SLC1A5: variants seen among roughly 807,000 people sequenced by gnomAD.
The protein encoded by SLC1A5 is neutral amino acid transporter B(0).
Under a neutral mutation model 34.9 loss-of-function variants are expected in SLC1A5, and 25 were observed. That is an observed-to-expected ratio of 0.72 (90% CI 0.52 to 1.00). The LOEUF (loss-of-function observed/expected upper bound fraction) is 1.00. Among genes scored for constraint, SLC1A5 ranks in the 50% least tolerant of loss-of-function variants. The probability of loss-of-function intolerance (pLI) is 0.00; values close to 1 mark genes in which losing one functional copy is unlikely to be tolerated. For synonymous variants in SLC1A5, 351 were observed against 341.2 expected (o/e 1.03, Z -0.32); for missense variants, 637 against 740.0 (o/e 0.86, Z 1.61).
At position 46,788,391 on chromosome 19, in the gene SLC1A5, A is replaced by G; in HGVS notation, c.-426T>C. The stretch of plus-strand genomic sequence containing the variant: ...GGACGCCTGGATCCGGGAGGCGGGG[A>G]CCCGGGCTGCCTGGGTCTTGGACAC... On this transcript the variant is annotated 5_prime_UTR_variant, in exon 1 of 8. Transcript: ENST00000542575. 6.0e-6 allele frequency: 1 copy of G among 167,354 alleles called. No homozygotes were observed. The highest frequency in any genetic ancestry group is 1.8e-4 in the South Asian group (1 of 5,508). 10.4% of individuals were successfully genotyped at this position (167,354 alleles called of 1,614,324 possible). A position where few individuals can be genotyped will look rare whatever the true frequency, so the allele number is the denominator to read the frequency against.
chr19:46,777,473 A>G (rs2055102216), intron 5 of SLC1A5, 68 bp from the exon 6 acceptor site: 1 of 1,449,262 alleles, frequency 6.9e-7, no homozygotes, highest in Non-Finnish European at 9.2e-7. Context: ...CTCCAGGTCC[A>G]GCCCAGGTGA....
intron 7 of SLC1A5, among the ~76,000 whole-genome samples, 200 bp from the exon 8 acceptor site, chr19:46,775,947 A>G (rs547855621): frequency 9.4e-4 from 143 of 151,610 alleles, no homozygotes; most frequent in African/African-American, 3.4e-3. Flanking sequence ...CAGGCATGGT[A>G]GTGCACACCT....
intron 4 of SLC1A5, among the ~76,000 whole-genome samples, chr19:46,781,294 C>A (rs2055143818): frequency 6.6e-6 from 1 of 152,194 alleles, no homozygotes; most frequent in Non-Finnish European, 1.5e-5. Context: ...CCAGGGATGG[C>A]TCCAAGCCAA....
Position 46,778,663 on chromosome 19 carries a change from C to A in SLC1A5, c.1058+12G>T. On this transcript the variant is annotated intron_variant, in intron 5 of 7. Coordinates refer to ENST00000542575, the MANE Select transcript of SLC1A5 (RefSeq NM_005628.3). The stretch of plus-strand genomic sequence containing the variant: ...ATTAAACATCCCACCCTAGCCCACC[C>A]CAAGGCCGTACCTGGAAGAGGTCCC... The A allele has an allele frequency of 1.3e-6, 2 of 1,525,274 alleles. No homozygotes were observed. The highest frequency in any genetic ancestry group is 2.3e-5 in the South Asian group (2 of 88,270). The allele number at this position is 1,525,274 out of a possible 1,614,324, so 94.5% of individuals were successfully genotyped here. A position where few individuals can be genotyped will look rare whatever the true frequency, so the allele number is the denominator to read the frequency against.
At chr19:46,779,877 G>A (rs1042198780) in intron 4 of SLC1A5, among the ~76,000 whole-genome samples, 3 of 150,986 alleles carry the variant, frequency 2.0e-5, no homozygotes, top group African/African-American at 7.3e-5. Flanking sequence ...TTTTGAGATG[G>A]AGTCTCACTC....
At chr19:46,782,342 T>TCCCACCCCCCCCCCCCCCCCCCCCCC in intron 4 of SLC1A5, 41 bp downstream of exon 4, 2 of 523,372 alleles carry the variant, frequency 3.8e-6, no homozygotes, top group East Asian at 4.0e-5. Flanking sequence ...AGACCGACCC[T>TCCCACCCCCCCCCCCCCCCCCCCCCC]CCAACCCCAC....
chr19:46,787,451 G>A lies in SLC1A5; in HGVS notation c.515C>T (p.Ala172Val). 2 of 1,600,178 alleles carry A rather than the reference G, an allele frequency of 1.2e-6. No individual in the cohort carries two copies. The highest frequency in any genetic ancestry group is 1.1e-5 in the South Asian group (1 of 88,708). ...CACCTCCTTGCTGGGGGCATTTTCG[G>A]CACTGCCCGCGGCTCCCACGGAGGC... The part of the protein sequence containing the change: ...INASVGAAGS[A>V]ENAPSKEVLD... The change falls in exon 1 of 8, where the codon GCC becomes GTC. Residue 172 changes from alanine to valine, a missense_variant. Physicochemically the swap from Ala to Val is moderately conservative, Grantham distance 64 (BLOSUM62 0). Coordinates refer to ENST00000542575, the MANE Select transcript of SLC1A5 (RefSeq NM_005628.3). The surrounding 1 kb of genome is among the most constrained non-coding windows in gnomAD (Gnocchi z 5.2).
Position 46,775,004 on chromosome 19 carries a change from G to A in SLC1A5, c.*506C>T. ...GTTTCTGTTATTGTGGAGGGAATAG[G>A]GGATCTGGGGACAGGGTGGGACGTA... On this transcript the variant is annotated 3_prime_UTR_variant, in exon 8 of 8. Coordinates refer to ENST00000542575, the MANE Select transcript of SLC1A5 (RefSeq NM_005628.3). 2 of 986,544 alleles carry A rather than the reference G, an allele frequency of 2.0e-6. No homozygotes were observed. Among genetic ancestry groups the A allele is most frequent in the Non-Finnish European group, 2.4e-6 (2 of 830,662 alleles). The allele number at this position is 986,544 out of a possible 1,614,324, so 61.1% of individuals were successfully genotyped here.
chr19:46,779,072 GC>G lies in SLC1A5; in HGVS notation c.825-165del, dbSNP rs549361808. The stretch of plus-strand genomic sequence containing the variant: ...ACCACTCCCAGGCCTGGCCCCTGAA[GC>G]CCCCATGCCAATCTCATGCTCTCTT... On this transcript the variant is annotated intron_variant, in intron 4 of 7. Coordinates refer to ENST00000542575, the MANE Select transcript of SLC1A5 (RefSeq NM_005628.3). Among the ~76,000 whole-genome samples, 272 of 152,310 alleles carry G rather than the reference GC, an allele frequency of 1.8e-3. 2 individuals carry two copies. Among genetic ancestry groups the G allele is most frequent in the South Asian group, 8.7e-3 (42 of 4,828 alleles).
intron 1 of SLC1A5, chr19:46,784,855 C>A: frequency 7.2e-7 from 1 of 1,389,080 alleles, no homozygotes; most frequent in Non-Finnish European, 9.3e-7. Context: ...GGCAGGTCGC[C>A]CCGGGCCTCA....
At chr19:46,784,890 A>G (rs2055176103) in intron 1 of SLC1A5, 2 of 1,333,304 alleles carry the variant, frequency 1.5e-6, no homozygotes, top group Non-Finnish European at 1.9e-6. Flanking sequence ...AGCAAACTTA[A>G]TACCCTGGAC....
Position 46,778,749 on chromosome 19 carries a change from G to A in SLC1A5, c.984C>T (p.Phe328=). Reference sequence around the variant, plus strand: ...GGAAGCGGTAGGGGTTTTTGCGGGTGAAGAGGAAGTAGATGAGGGGCAGTA... The same window carrying A: ...GGAAGCGGTAGGGGTTTTTGCGGGTAAAGAGGAAGTAGATGAGGGGCAGTA... ...LLVLPLIYFL[F]TRKNPYRFLW... Residue 328 remains phenylalanine (F), a synonymous_variant, in exon 5 of 8, where the codon TTC becomes TTT. Coordinates refer to ENST00000542575, the MANE Select transcript of SLC1A5 (RefSeq NM_005628.3). The A allele has an allele frequency of 1.2e-6, 2 of 1,614,092 alleles. No individual in the cohort carries two copies. Among genetic ancestry groups the A allele is most frequent in the African/African-American group, 1.3e-5 (1 of 75,050 alleles).
Position 46,775,690 on chromosome 19 carries a change from G to A in SLC1A5, c.1446C>T (p.Leu482=). 6.2e-7 allele frequency: 1 copy of A among 1,614,066 alleles called. No homozygotes were observed. The highest frequency in any genetic ancestry group is 8.5e-7 in the Non-Finnish European group (1 of 1,179,990). The change falls in exon 8 of 8, where the codon CTC becomes CTT. Residue 482 remains leucine (L), a synonymous_variant. Coordinates refer to ENST00000542575, the MANE Select transcript of SLC1A5 (RefSeq NM_005628.3). The part of the protein sequence containing the change: ...VEGDALGAGL[L]QNYVDRTESR... ...ACTCCGTACGGTCCACGTAATTTTG[G>A]AGGAGTCCTGCCCCCAGAGCGTCAC...
rs1568431542 is a variant in SLC1A5 at position 46,787,614 on chromosome 19, T to TGGC, written c.349_351dup (p.Ala117dup). The TGGC allele has an allele frequency of 1.3e-6, 2 of 1,563,854 alleles. No individual in the cohort carries two copies. Among genetic ancestry groups the TGGC allele is most frequent in the Admixed American group, 1.9e-5 (1 of 52,562 alleles). On this transcript the variant is annotated inframe_insertion, in exon 1 of 8. Transcript: ENST00000542575. This position sits in a 1 kb window ranked among gnomAD's most constrained non-coding sequence, Gnocchi z 5.2. ...CGGCCGAGCGCGCCGGGGTCCAGGCTGGCGGCGCCGCCGATCAAGCTGCAC... is the reference window on the plus strand; with the variant it reads ...CGGCCGAGCGCGCCGGGGTCCAGGCTGGCGGCGGCGCCGCCGATCAAGCTGCAC...
chr19:46,782,346 A>ACCCCCCCCCCCCCCCCCCCCCACACCCC, intron 4 of SLC1A5, 37 bp downstream of exon 4: 1 of 567,986 alleles, frequency 1.8e-6, no homozygotes, highest in Non-Finnish European at 3.2e-6. Flanking sequence ...CGACCCTCCA[A>ACCCCCCCCCCCCCCCCCCCCCACACCCC]CCCCACCCAC....
Position 46,777,201 on chromosome 19 carries a change from T to C in SLC1A5, c.1253+10A>G. 6.2e-7 allele frequency: 1 copy of C among 1,602,126 alleles called. No individual in the cohort carries two copies. The highest frequency in any genetic ancestry group is 8.5e-7 in the Non-Finnish European group (1 of 1,172,550). Reference sequence around the variant, plus strand: ...TCCGGGGGTCCCATCCGCAGCCCCCTGACACTCACAGGATGGTGATGATCT... The same window carrying C: ...TCCGGGGGTCCCATCCGCAGCCCCCCGACACTCACAGGATGGTGATGATCT... On this transcript the variant is annotated intron_variant, in intron 6 of 7. Coordinates refer to ENST00000542575, the MANE Select transcript of SLC1A5 (RefSeq NM_005628.3).
At chr19:46,776,335 A>C (rs994271874) in intron 7 of SLC1A5, among the ~76,000 whole-genome samples, 95 of 151,392 alleles carry the variant, frequency 6.3e-4, no homozygotes, top group African/African-American at 1.9e-3. Context: ...TGAGTAGCTG[A>C]GATCACAGGA....
chr19:46,778,451 T>C (rs2055115422), intron 5 of SLC1A5, among the ~76,000 whole-genome samples: 1 of 151,550 alleles, frequency 6.6e-6, no homozygotes, highest in South Asian at 2.1e-4. Context: ...AAAAAAAGAG[T>C]GCCTCCAGGG....
chr19:46,774,961 C>G lies in SLC1A5; in HGVS notation c.*549G>C. The G allele has an allele frequency of 1.0e-6, 1 of 986,086 alleles. No homozygotes were observed. Among genetic ancestry groups the G allele is most frequent in the Non-Finnish European group, 1.2e-6 (1 of 830,182 alleles). 61.1% of individuals were successfully genotyped at this position (986,086 alleles called of 1,614,324 possible). ...AGCAGGTATTTGTCCTCAGCCTCTC[C>G]CCAGAGTCCCTGGGAGTGTTTCTGT... On this transcript the variant is annotated 3_prime_UTR_variant, in exon 8 of 8. Transcript: ENST00000542575.
Sources: gnomAD v4.1 joint callset for allele counts (sites outside exome capture counted in the v4.1 genomes callset) on GRCh38, gnomAD v4.1.1 for gene constraint, Gnocchi (gnomAD v3.1) non-coding constraint, MANE v1.5 for transcripts, NCBI Gene and HGNC (gene_info 2026-07-23, HGNC 2026-07-21) for gene names.